The following TMEM132D variants were observed in gnomAD, a reference collection of about 807,000 sequenced individuals.
TMEM132D encodes mature OL transmembrane protein.
In TMEM132D, 21 loss-of-function variants were observed where a neutral mutation model predicts 62.3. The ratio of observed to expected loss-of-function variants is 0.34; its 90% confidence interval spans 0.24 to 0.49. The LOEUF is 0.49. TMEM132D is among the 20% of genes least tolerant of loss of function. The probability of loss-of-function intolerance (pLI) is 0.99; values close to 1 mark genes in which losing one functional copy is unlikely to be tolerated. For synonymous variants in TMEM132D, 621 were observed against 575.6 expected (o/e 1.08, Z -1.13); for missense variants, 1,346 against 1,402.8 (o/e 0.96, Z 0.65).
chr12:129,740,324 A>C (rs1289637576), intron 1 of TMEM132D, among the ~76,000 whole-genome samples: 1 of 152,214 alleles, frequency 6.6e-6, no homozygotes, highest in African/African-American at 2.4e-5. Flanking sequence ...CTATATCTTA[A>C]GAAACCTGTC....
Position 129,740,582 on chromosome 12 carries a change from A to C in TMEM132D, c.80-39884T>G, listed in dbSNP as rs559884072. On this transcript the variant is annotated intron_variant, in intron 1 of 8. Transcript: ENST00000422113. ...TATCTTTAATATTCTTGCACAAACT[A>C]GTTCTACTGATTGAAACCTAATCAT... Among the ~76,000 whole-genome samples, 12 of 152,208 alleles carry C rather than the reference A, an allele frequency of 7.9e-5. 2 individuals are homozygous for C. Among genetic ancestry groups the C allele is most frequent in the Admixed American group, 7.2e-4 (11 of 15,284 alleles).
At chr12:129,574,432 A>C (rs1003243653) in intron 2 of TMEM132D, among the ~76,000 whole-genome samples, 1 of 151,948 alleles carries the variant, frequency 6.6e-6, no homozygotes, top group African/African-American at 2.4e-5. Flanking sequence ...AAGTCAAAAA[A>C]CAATTAGAGA....
chr12:129,139,568 C>T (rs1876677665), intron 5 of TMEM132D, among the ~76,000 whole-genome samples: 1 of 152,212 alleles, frequency 6.6e-6, no homozygotes, highest in Admixed American at 6.5e-5. Context: ...AGCAAAAGTA[C>T]ATTTCAAATC....
chr12:129,718,721 C>A (rs1164337229), intron 1 of TMEM132D, among the ~76,000 whole-genome samples: 1 of 152,154 alleles, frequency 6.6e-6, no homozygotes, highest in Non-Finnish European at 1.5e-5. Context: ...CCCAGCAGAG[C>A]CATTTGCCGG....
intron 3 of TMEM132D, among the ~76,000 whole-genome samples, chr12:129,368,550 C>T (rs1593353875): frequency 6.6e-6 from 1 of 151,738 alleles, no homozygotes. Context: ...TTCTTCATTC[C>T]TCTCCTTCCT....
intron 3 of TMEM132D, among the ~76,000 whole-genome samples, chr12:129,498,093 C>G (rs1219282619): frequency 6.6e-6 from 1 of 152,182 alleles, no homozygotes; most frequent in Non-Finnish European, 1.5e-5. Context: ...TCATGGTTCA[C>G]TTTCTCATGT....
intron 3 of TMEM132D, among the ~76,000 whole-genome samples, chr12:129,519,852 G>T (rs184085883): frequency 1.2e-3 from 178 of 152,040 alleles, no homozygotes; most frequent in African/African-American, 4.0e-3. Flanking sequence ...CAGGTGATCC[G>T]CCCGCCTCCG....
At chr12:129,129,126 C>A (rs1339079951) in intron 5 of TMEM132D, among the ~76,000 whole-genome samples, 4 of 152,016 alleles carry the variant, frequency 2.6e-5, no homozygotes, top group South Asian at 2.1e-4. Context: ...AGTTTTTCAA[C>A]CTTTGCCTCC....
intron 1 of TMEM132D, among the ~76,000 whole-genome samples, chr12:129,902,868 G>A (rs1300962302): frequency 3.3e-5 from 5 of 152,224 alleles, no homozygotes; most frequent in Non-Finnish European, 7.3e-5. Flanking sequence ...CCAAATTCCA[G>A]AAATCTCCCT....
intron 2 of TMEM132D, among the ~76,000 whole-genome samples, chr12:129,606,316 A>G (rs1188331967): frequency 1.3e-5 from 2 of 152,122 alleles, no homozygotes; most frequent in African/African-American, 4.8e-5. Context: ...TTCCTTGAGT[A>G]GGGCTTGGGG....
chr12:129,282,529 TG>T (rs1881185609), intron 4 of TMEM132D, among the ~76,000 whole-genome samples: 1 of 152,098 alleles, frequency 6.6e-6, no homozygotes. Context: ...GAAGACCAGG[TG>T]GAACGATTTT....
intron 4 of TMEM132D, among the ~76,000 whole-genome samples, chr12:129,268,255 G>A (rs1486602136): frequency 6.6e-6 from 1 of 152,064 alleles, no homozygotes; most frequent in Non-Finnish European, 1.5e-5. Flanking sequence ...GCAACCTAGA[G>A]AATGGGAGAA....
chr12:129,747,726 AGACACACACACACTT>A lies in TMEM132D; in HGVS notation c.80-47043_80-47029del, dbSNP rs1395561170. Among the ~76,000 whole-genome samples the A allele has an allele frequency of 1.5e-4, 23 of 148,908 alleles. No homozygotes were observed. In the East Asian group the frequency reaches 1.6e-3, roughly 10 times the overall value. On this transcript the variant is annotated intron_variant, in intron 1 of 8. Transcript: ENST00000422113. ...TCAACACACACTCAGACATACACAC[AGACACACACACACTT>A]GACACACACACATCCAGACACACAC...
chr12:129,402,114 T>C (rs965370453), intron 3 of TMEM132D, among the ~76,000 whole-genome samples: 1 of 152,200 alleles, frequency 6.6e-6, no homozygotes, highest in Non-Finnish European at 1.5e-5. Flanking sequence ...AATGTGCTGT[T>C]GAAGCCTCAG....
At chr12:129,431,361 C>A (rs912731872) in intron 3 of TMEM132D, among the ~76,000 whole-genome samples, 1 of 152,184 alleles carries the variant, frequency 6.6e-6, no homozygotes, top group African/African-American at 2.4e-5. Flanking sequence ...AATTTCTTCC[C>A]TGTTTATCTC....
At chr12:129,356,575 T>C (rs1870056654) in intron 3 of TMEM132D, among the ~76,000 whole-genome samples, 1 of 150,932 alleles carries the variant, frequency 6.6e-6, no homozygotes. Flanking sequence ...CCTAACACTT[T>C]GGGAGGCCTA....
chr12:129,600,185 T>C (rs1042777464), intron 2 of TMEM132D, among the ~76,000 whole-genome samples: 2 of 152,248 alleles, frequency 1.3e-5, no homozygotes, highest in Admixed American at 1.3e-4. Context: ...TCAACAATGC[T>C]CACACGTCCT....
chr12:129,426,320 GC>G (rs1316618742), intron 3 of TMEM132D, among the ~76,000 whole-genome samples: 2 of 152,186 alleles, frequency 1.3e-5, no homozygotes, highest in Non-Finnish European at 2.9e-5. Context: ...AATCAGACAA[GC>G]AAAACCTCTC....
intron 4 of TMEM132D, among the ~76,000 whole-genome samples, chr12:129,280,472 A>G (rs910807606): frequency 2.0e-5 from 3 of 152,228 alleles, no homozygotes; most frequent in African/African-American, 7.2e-5. Context: ...CTTTTTTCCA[A>G]AACAAATAAA....
Sources: gnomAD v4.1 joint callset for allele counts (sites outside exome capture counted in the v4.1 genomes callset) on GRCh38, gnomAD v4.1.1 for gene constraint, MANE v1.5 for transcripts, NCBI Gene and HGNC (gene_info 2026-07-23, HGNC 2026-07-21) for gene names.